Variants in M1AP observed in about 807,000 individuals in gnomAD.
The protein encoded by M1AP is meiosis 1 arrest protein.
A neutral mutation model predicts 51.2 loss-of-function variants in M1AP; 39 were observed. The observed-to-expected ratio is 0.76, with a 90% CI of 0.59 to 1.00. The LOEUF (loss-of-function observed/expected upper bound fraction) is 1.00, where lower values mean the gene tolerates loss of function less well. Ranked by LOEUF, M1AP falls within the 50% of genes least tolerant of loss-of-function variation. The probability of loss-of-function intolerance (pLI) is 0.00; values close to 1 mark genes in which losing one functional copy is unlikely to be tolerated. For synonymous variants in M1AP, 251 were observed against 249.2 expected, an observed-to-expected ratio of 1.01 and a Z score of -0.07; for missense variants, 545 against 641.2, an observed-to-expected ratio of 0.85 and a Z score of 1.62.
intron 2 of M1AP, chr2:74,628,320 T>C (rs1682516629): frequency 2.8e-6 from 1 of 357,266 alleles, no homozygotes; most frequent in Non-Finnish European, 5.6e-6. Flanking sequence ...GCTTTCTCTA[T>C]TCAGGAAGCT....
At chr2:74,646,527 A>G (rs1435494713) in intron 1 of M1AP, among the ~76,000 whole-genome samples, 1 of 152,234 alleles carries the variant, frequency 6.6e-6, no homozygotes, top group African/African-American at 2.4e-5. Context: ...ATTATTAAAG[A>G]AACTTTCAGA....
intron 2 of M1AP, among the ~76,000 whole-genome samples, chr2:74,625,049 C>G (rs1204408682): frequency 6.6e-6 from 1 of 152,146 alleles, no homozygotes; most frequent in South Asian, 2.1e-4. Flanking sequence ...TATACACTGA[C>G]AAATGGCATA....
intron 2 of M1AP, among the ~76,000 whole-genome samples, chr2:74,637,278 T>C (rs1342871128): frequency 6.6e-6 from 1 of 152,246 alleles, no homozygotes; most frequent in African/African-American, 2.4e-5. Context: ...AGTTTTCCTC[T>C]CTAAAAGTTT....
In M1AP at chr2:74,562,213, T is replaced by C; in HGVS notation, c.1281+4A>G. ...CTGTCCCATGAGATCTGGGCTCCAC[T>C]TGCCTCCACATTCTTAAGGCTATCA... On this transcript the variant is annotated splice_donor_region_variant and intron_variant, in intron 8 of 10. Coordinates refer to ENST00000421985, the MANE Select transcript of M1AP (RefSeq NM_001321739.2). The C allele has an allele frequency of 6.2e-7, 1 of 1,605,022 alleles. No homozygotes were observed. The highest frequency in any genetic ancestry group is 8.5e-7 in the Non-Finnish European group (1 of 1,173,922).
chr2:74,643,617 G>T (rs1240511519), intron 1 of M1AP, among the ~76,000 whole-genome samples: 2 of 150,120 alleles, frequency 1.3e-5, no homozygotes, highest in Non-Finnish European at 3.0e-5. Flanking sequence ...TTGAGACAGG[G>T]TCTCGCTCCA....
chr2:74,593,918 G>A (rs1407171725), intron 4 of M1AP, among the ~76,000 whole-genome samples: 1 of 152,210 alleles, frequency 6.6e-6, no homozygotes, highest in Non-Finnish European at 1.5e-5. Flanking sequence ...GGGGCAACCA[G>A]GACCTCCAGA....
intron 4 of M1AP, among the ~76,000 whole-genome samples, chr2:74,596,865 A>G (rs1281680109): frequency 1.3e-5 from 2 of 152,222 alleles, no homozygotes; most frequent in Admixed American, 1.3e-4. Flanking sequence ...TATAAACACA[A>G]AAGGTGTGTG....
Position 74,640,188 on chromosome 2 carries a change from C to CA in M1AP, c.87dup (p.Ala30CysfsTer7). On this transcript the variant is annotated frameshift_variant, in exon 2 of 11. Transcript: ENST00000421985. LOFTEE classifies it high-confidence loss of function. ...CAGATGTCAGCCCAGGACGGTAGAGCAATGTGCACAATGAGAAGCCGTGGA... is the reference window on the plus strand; with the variant it reads ...CAGATGTCAGCCCAGGACGGTAGAGCAAATGTGCACAATGAGAAGCCGTGGA... 6.2e-7 allele frequency: 1 copy of CA among 1,614,084 alleles called. No individual in the cohort carries two copies. Among genetic ancestry groups the CA allele is most frequent in the South Asian group, 1.1e-5 (1 of 91,084 alleles).
At chr2:74,640,467 T>C in intron 1 of M1AP, 140 bp from the exon 2 acceptor site, 2 of 665,650 alleles carry the variant, frequency 3.0e-6, no homozygotes, top group South Asian at 4.3e-5. Context: ...CATCCTATTT[T>C]TTTTTTTTTT....
intron 4 of M1AP, among the ~76,000 whole-genome samples, chr2:74,599,559 T>G (rs1400756009): frequency 2.0e-5 from 3 of 152,160 alleles, no homozygotes; most frequent in African/African-American, 7.2e-5. Flanking sequence ...ACATATCAAG[T>G]TTTCATGTGG....
intron 4 of M1AP, among the ~76,000 whole-genome samples, chr2:74,601,291 C>T (rs1558671859): frequency 2.0e-5 from 3 of 151,464 alleles, no homozygotes; most frequent in Non-Finnish European, 2.9e-5. Context: ...TCTCTATGTG[C>T]CAATACGGAA....
chr2:74,616,059 T>C (rs939489358), intron 2 of M1AP, among the ~76,000 whole-genome samples: 11 of 152,194 alleles, frequency 7.2e-5, no homozygotes, highest in Non-Finnish European at 1.5e-4. Context: ...TGATATATTC[T>C]TCTCTCCCCA....
chr2:74,620,199 T>A (rs1681921228), intron 2 of M1AP, among the ~76,000 whole-genome samples: 1 of 152,196 alleles, frequency 6.6e-6, no homozygotes, highest in African/African-American at 2.4e-5. Context: ...CCCTCCTAGA[T>A]AATGTAATAC....
intron 7 of M1AP, chr2:74,575,225 T>A (rs1028296134): frequency 3.3e-6 from 3 of 899,050 alleles, no homozygotes; most frequent in African/African-American, 3.6e-5. Context: ...TCAAGTTTAG[T>A]GTTGTATAAC....
rs779588434 is a variant in M1AP, at chr2:74,573,718, A to G, written c.1074+1720T>C. Among the ~76,000 whole-genome samples the G allele has an allele frequency of 2.0e-4, 30 of 152,040 alleles. 1 individual carries two copies. Among genetic ancestry groups the G allele is most frequent in the Non-Finnish European group, 3.7e-4 (25 of 67,994 alleles). Reference sequence around the variant, plus strand: ...TGTTTCTAATTTTTCACCACTGTAAATAACACCGAGATGAACATGCTGGTA... The same window carrying G: ...TGTTTCTAATTTTTCACCACTGTAAGTAACACCGAGATGAACATGCTGGTA... On this transcript the variant is annotated intron_variant, in intron 7 of 10. Transcript: ENST00000421985.
intron 4 of M1AP, among the ~76,000 whole-genome samples, chr2:74,588,070 G>A (rs1164034583): frequency 1.3e-5 from 2 of 152,162 alleles, no homozygotes; most frequent in Non-Finnish European, 2.9e-5. Context: ...AGAGGCCCAG[G>A]AAAAGGTGCT....
At position 74,560,281 on chromosome 2, in the gene M1AP, T is replaced by C. The variant is rs752242938; in HGVS notation, c.1292A>G (p.Asp431Gly). The change falls in exon 9 of 11, where the codon GAC becomes GGC. Residue 431 changes from aspartate to glycine, a missense_variant. By Grantham distance (94) the Asp-to-Gly change is moderately conservative. Transcript: ENST00000421985. ...GTAGGTGGGCTCCAGCTCCAGGCTGTCCAGCATGCTCTGAGGAAAAGAGAG... is the reference window on the plus strand; with the variant it reads ...GTAGGTGGGCTCCAGCTCCAGGCTGCCCAGCATGCTCTGAGGAAAAGAGAG... ...DSLKNVESML[D>G]SLELEPTYNP... The C allele has an allele frequency of 3.1e-6, 5 of 1,599,284 alleles. No individual in the cohort carries two copies. The highest frequency in any genetic ancestry group is 2.2e-5 in the East Asian group (1 of 44,726).
chr2:74,560,341 C>T (rs1677833977), intron 8 of M1AP, 50 bp from the exon 9 acceptor site: 2 of 1,527,926 alleles, frequency 1.3e-6, no homozygotes, highest in African/African-American at 1.4e-5. Flanking sequence ...GATCACAGAA[C>T]ACAAGATGTC....
In M1AP at chr2:74,581,677, G is replaced by A. The variant is rs768031459; in HGVS notation, c.766C>T (p.Pro256Ser). Residue 256 changes from proline (P) to serine (S), a missense_variant, in exon 5 of 11, where the codon CCA becomes TCA. Pro to Ser is a moderately conservative substitution (Grantham distance 74). Coordinates refer to ENST00000421985, the MANE Select transcript of M1AP (RefSeq NM_001321739.2). ...ATATCTTTTGGGGATTATGTACTTG[G>A]ATTATCTCTGGGTCTGGAAATGTTG... Reference protein sequence around the residue: ...FSNISRPRDNPMCLKCDLQER... With the variant: ...FSNISRPRDNSMCLKCDLQER... 4.3e-6 allele frequency: 7 copies of A among 1,613,114 alleles called. No individual in the cohort carries two copies. The Admixed American group carries it at 8.3e-5, about 19-fold the overall frequency.
Sources: gnomAD v4.1 joint callset for allele counts (sites outside exome capture counted in the v4.1 genomes callset) on GRCh38, gnomAD v4.1.1 for gene constraint, MANE v1.5 for transcripts, NCBI Gene and HGNC (gene_info 2026-07-23, HGNC 2026-07-21) for gene names.